CNTNAP3: variants seen among roughly 807,000 people sequenced by gnomAD.
The protein encoded by CNTNAP3 is contactin-associated protein-like 3.
In CNTNAP3, 36 loss-of-function variants were observed where a neutral mutation model predicts 92.1. The observed-to-expected ratio is 0.39, with a 90% CI of 0.30 to 0.52. The LOEUF is 0.52. Ranked by LOEUF, CNTNAP3 falls within the 20% of genes least tolerant of loss-of-function variation. CNTNAP3 has a pLI of 0.76. For missense variants in CNTNAP3, 534 were observed against 1,069.6 expected, an observed-to-expected ratio of 0.50 and a Z score of 6.98; for synonymous variants, 232 against 422.3, an observed-to-expected ratio of 0.55 and a Z score of 5.53.
At position 39,139,365 on chromosome 9, in the gene CNTNAP3, G is replaced by A. The variant is rs549449763; in HGVS notation, c.1876+1154C>T. On this transcript the variant is annotated intron_variant, in intron 12 of 23. Coordinates refer to ENST00000297668, the MANE Select transcript of CNTNAP3 (RefSeq NM_033655.5). Reference sequence around the variant, plus strand: ...TTGTTTGAGTCAGGGGATTTTGGAGGTAATTGGTATCTTATGGCAGAACGC... The same window carrying A: ...TTGTTTGAGTCAGGGGATTTTGGAGATAATTGGTATCTTATGGCAGAACGC... Among the ~76,000 whole-genome samples, 235 of 152,276 alleles carry A rather than the reference G, an allele frequency of 1.5e-3. 1 individual carries two copies. The highest frequency in any genetic ancestry group is 5.4e-3 in the African/African-American group (226 of 41,560).
chr9:39,141,910 CAATT>C (rs1467725416), intron 11 of CNTNAP3, among the ~76,000 whole-genome samples: 9 of 152,022 alleles, frequency 5.9e-5, no homozygotes, highest in South Asian at 2.1e-4. Context: ...TAATTATATA[CAATT>C]AATTAGTTGC....
At chr9:39,120,162 C>A (rs1440051528) in intron 13 of CNTNAP3, among the ~76,000 whole-genome samples, 1 of 152,078 alleles carries the variant, frequency 6.6e-6, no homozygotes. Flanking sequence ...CATAATTGAA[C>A]TTTTTGGAAA....
intron 21 of CNTNAP3, among the ~76,000 whole-genome samples, chr9:39,081,996 A>C (rs1346339710): frequency 3.3e-5 from 5 of 151,624 alleles, no homozygotes; most frequent in African/African-American, 1.2e-4. Context: ...CTGAGGCAGG[A>C]GAATGGCGTG....
intron 15 of CNTNAP3, among the ~76,000 whole-genome samples, chr9:39,104,205 A>C (rs1349000500): frequency 6.6e-6 from 1 of 152,094 alleles, no homozygotes; most frequent in Non-Finnish European, 1.5e-5. Context: ...GGTCAAGTTC[A>C]GAATCACCTC....
intron 14 of CNTNAP3, among the ~76,000 whole-genome samples, chr9:39,113,234 C>T (rs2117931946): frequency 6.6e-6 from 1 of 152,188 alleles, no homozygotes; most frequent in South Asian, 2.1e-4. Flanking sequence ...AGAACTACTG[C>T]TTTAAGATAC....
chr9:39,142,353 G>A (rs1821596892), intron 11 of CNTNAP3, among the ~76,000 whole-genome samples: 1 of 152,098 alleles, frequency 6.6e-6, no homozygotes, highest in African/African-American at 2.4e-5. Flanking sequence ...AACCTCTGGT[G>A]TGAGAGGCCA....
At chr9:39,103,668 C>A in intron 16 of CNTNAP3, 76 bp downstream of exon 16, 1 of 1,419,414 alleles carries the variant, frequency 7.0e-7, no homozygotes, top group Non-Finnish European at 9.5e-7. Context: ...GAATGAAATA[C>A]TAACATTTTG....
intron 16 of CNTNAP3, among the ~76,000 whole-genome samples, chr9:39,103,476 G>A (rs1826518419): frequency 1.3e-5 from 2 of 151,936 alleles, no homozygotes; most frequent in African/African-American, 4.8e-5. Context: ...CAGCTACTCA[G>A]GAGACTGAGG....
chr9:39,122,735 G>A (rs1419086844), intron 13 of CNTNAP3, among the ~76,000 whole-genome samples: 1 of 152,112 alleles, frequency 6.6e-6, no homozygotes, highest in Non-Finnish European at 1.5e-5. Context: ...AAACAATACA[G>A]TCTTATGAGA....
At chr9:39,077,725 TCAGGTCC>T (rs1282955701) in intron 23 of CNTNAP3, among the ~76,000 whole-genome samples, 1 of 152,242 alleles carries the variant, frequency 6.6e-6, no homozygotes, top group Non-Finnish European at 1.5e-5. Flanking sequence ...CATAATTACT[TCAGGTCC>T]GTCCAACAGT....
chr9:39,202,176 G>A (rs1822541774), intron 3 of CNTNAP3, among the ~76,000 whole-genome samples: 2 of 24,516 alleles, frequency 8.2e-5, no homozygotes, highest in African/African-American at 1.3e-4. Context: ...ATGAGCCTTC[G>A]ATGAGACTGA....
intron 13 of CNTNAP3, among the ~76,000 whole-genome samples, chr9:39,128,067 G>T (rs887292044): frequency 1.3e-5 from 2 of 152,152 alleles, no homozygotes; most frequent in African/African-American, 4.8e-5. Flanking sequence ...TCGAACTCCT[G>T]ACCTCAAATG....
At chr9:39,114,055 C>CACAT (rs1468356379) in intron 14 of CNTNAP3, among the ~76,000 whole-genome samples, 19 of 144,554 alleles carry the variant, frequency 1.3e-4, no homozygotes, top group African/African-American at 4.2e-4. Context: ...CACACACACA[C>CACAT]ATATATATAT....
Position 39,069,819 on chromosome 9 carries a change from T to C in CNTNAP3, c.*4071A>G, listed in dbSNP as rs1461397151. Among the ~76,000 whole-genome samples the C allele has an allele frequency of 2.0e-5, 3 of 152,262 alleles. No individual in the cohort carries two copies. The highest frequency in any genetic ancestry group is 6.5e-5 in the Admixed American group (1 of 15,282). ...TGAGCTACATCCATTGGGAGTGATG[T>C]GAAGGAAGAGAAAAGCGTTGGACTC... On this transcript the variant is annotated 3_prime_UTR_variant, in exon 24 of 24. Transcript: ENST00000297668.
intron 11 of CNTNAP3, among the ~76,000 whole-genome samples, chr9:39,142,564 C>T (rs12376598): frequency 0.18 from 26,635 of 151,000 alleles, 2,760 homozygotes; most frequent in East Asian, 0.31. Flanking sequence ...CCCAGCTACT[C>T]GGGAGGCTGA....
Position 39,285,555 on chromosome 9 carries a change from C to T in CNTNAP3, c.85+2425G>A, listed in dbSNP as rs1356196076. On this transcript the variant is annotated intron_variant, in intron 1 of 23. Coordinates refer to ENST00000297668, the MANE Select transcript of CNTNAP3 (RefSeq NM_033655.5). Reference sequence around the variant, plus strand: ...TTGAGACAGAGTTTTGTGTTTTCCTCTTGTTGCCCAGGCTGGAGTGCTATG... The same window carrying T: ...TTGAGACAGAGTTTTGTGTTTTCCTTTTGTTGCCCAGGCTGGAGTGCTATG... Among the ~76,000 whole-genome samples the T allele has an allele frequency of 9.5e-5, 5 of 52,564 alleles. 1 individual carries two copies. The highest frequency in any genetic ancestry group is 8.5e-5 in the African/African-American group (2 of 23,400). The allele number at this position is 52,564 out of a possible 152,430, so 34.5% of individuals were successfully genotyped here.
rs375087850 is a variant in CNTNAP3 at position 39,105,299 on chromosome 9, T to C, written c.2366-1385A>G. On this transcript the variant is annotated intron_variant, in intron 15 of 23. Coordinates refer to ENST00000297668, the MANE Select transcript of CNTNAP3 (RefSeq NM_033655.5). ...AAAATTAGCCAGGCATGGTGGTGGG[T>C]GCCTGTAGTCCCAGCTACTCGGGAG... 2.6e-3 allele frequency among the ~76,000 whole-genome samples: 397 copies of C among 152,138 alleles called. 2 individuals are homozygous for C. The highest frequency in any genetic ancestry group is 6.6e-3 in the East Asian group (34 of 5,166).
At chr9:39,146,133 T>C (rs1054435505) in intron 10 of CNTNAP3, among the ~76,000 whole-genome samples, 13 of 152,038 alleles carry the variant, frequency 8.6e-5, no homozygotes, top group African/African-American at 3.1e-4. Flanking sequence ...ACATGAATTG[T>C]GAAAAATTTA....
chr9:39,134,712 G>A (rs531751944), intron 12 of CNTNAP3, among the ~76,000 whole-genome samples: 5 of 152,160 alleles, frequency 3.3e-5, no homozygotes, highest in African/African-American at 1.2e-4. Flanking sequence ...ACAGGTGTGA[G>A]CCACCACGCC....
Sources: allele counts gnomAD v4.1 joint callset (sites outside exome capture counted in the v4.1 genomes callset), GRCh38; gene constraint gnomAD v4.1.1; transcripts MANE v1.5; gene names NCBI Gene and HGNC (gene_info 2026-07-23, HGNC 2026-07-21).